RAB27B: variants seen among roughly 807,000 people sequenced by gnomAD.
RAB27B encodes RAB27B, member RAS oncogene family.
A neutral mutation model predicts 24.6 loss-of-function variants in RAB27B; 15 were observed. The ratio of observed to expected loss-of-function variants is 0.61; its 90% CI spans 0.41 to 0.94. The LOEUF (loss-of-function observed/expected upper bound fraction) is 0.94, where lower values mean the gene tolerates loss of function less well. Ranked by LOEUF, RAB27B falls within the 40% of genes least tolerant of loss-of-function variation. RAB27B has a pLI of 0.00. For missense variants in RAB27B, 261 were observed against 266.8 expected, an observed-to-expected ratio of 0.98 and a Z score of 0.15; for synonymous variants, 105 against 92.5, an observed-to-expected ratio of 1.14 and a Z score of -0.78.
At chr18:54,801,026 T>TC (rs1015258835) in intron 2 of RAB27B, among the ~76,000 whole-genome samples, 1 of 139,258 alleles carries the variant, frequency 7.2e-6, no homozygotes, top group South Asian at 2.5e-4. Context: ...TTTTTTTTTT[T>TC]TTTTTTAACA....
At chr18:54,833,881 C>A (rs947489718) in intron 1 of RAB27B, among the ~76,000 whole-genome samples, 2 of 152,118 alleles carry the variant, frequency 1.3e-5, no homozygotes, top group Non-Finnish European at 2.9e-5. Context: ...GAGAGAGGCA[C>A]AAAGTGAGTC....
intron 1 of RAB27B, among the ~76,000 whole-genome samples, chr18:54,854,292 C>T (rs1911697770): frequency 6.6e-6 from 1 of 152,190 alleles, no homozygotes; most frequent in African/African-American, 2.4e-5. Flanking sequence ...CATCCACATA[C>T]ACACTTTTTC....
At chr18:54,850,357 T>TATACATAC (rs1555663545) in intron 1 of RAB27B, among the ~76,000 whole-genome samples, 1 of 130,578 alleles carries the variant, frequency 7.7e-6, no homozygotes, top group African/African-American at 3.1e-5. Flanking sequence ...TATATATATA[T>TATACATAC]ATACATACAT....
intron 1 of RAB27B, among the ~76,000 whole-genome samples, chr18:54,858,471 A>G (rs1426517800): frequency 7.1e-6 from 1 of 140,632 alleles, no homozygotes; most frequent in African/African-American, 2.7e-5. Flanking sequence ...TGCAAGCTCC[A>G]CCTCCCGTGT....
At chr18:54,833,590 C>G (rs1910778843) in intron 1 of RAB27B, among the ~76,000 whole-genome samples, 1 of 151,924 alleles carries the variant, frequency 6.6e-6, no homozygotes, top group African/African-American at 2.4e-5. Flanking sequence ...TAGACAACAC[C>G]AAAAGAAAAT....
At chr18:54,835,335 A>G (rs551746323) in intron 1 of RAB27B, among the ~76,000 whole-genome samples, 4 of 152,074 alleles carry the variant, frequency 2.6e-5, no homozygotes, top group African/African-American at 9.7e-5. Flanking sequence ...TATAGGAGCA[A>G]TGCAACCTGT....
intron 1 of RAB27B, among the ~76,000 whole-genome samples, chr18:54,834,667 A>C (rs1735363774): frequency 1.3e-5 from 1 of 76,056 alleles, no homozygotes; most frequent in Admixed American, 2.0e-4. Flanking sequence ...ATCTGTGTGC[A>C]TAAGTGTATA....
intron 2 of RAB27B, among the ~76,000 whole-genome samples, chr18:54,746,216 C>T (rs972803146): frequency 3.3e-5 from 5 of 152,126 alleles, no homozygotes; most frequent in Non-Finnish European, 5.9e-5. Context: ...TTGAAGATTA[C>T]GCCAGTGTCA....
At chr18:54,727,534 G>A (rs182366473) in intron 2 of RAB27B, among the ~76,000 whole-genome samples, 20 of 152,214 alleles carry the variant, frequency 1.3e-4, no homozygotes, top group East Asian at 1.2e-3. Context: ...GGGGTGCCTC[G>A]GAGGCAGATA....
chr18:54,863,008 G>C (rs1253110365), intron 1 of RAB27B, among the ~76,000 whole-genome samples: 1 of 152,110 alleles, frequency 6.6e-6, no homozygotes, highest in Non-Finnish European at 1.5e-5. Flanking sequence ...ATCAGCTAGT[G>C]ATTTTTGCAA....
At chr18:54,875,339 AT>A (rs924229509) in intron 1 of RAB27B, among the ~76,000 whole-genome samples, 2 of 152,116 alleles carry the variant, frequency 1.3e-5, no homozygotes, top group South Asian at 2.1e-4. Context: ...CCAAAAACAA[AT>A]TTTTTTTTGG....
At chr18:54,841,176 A>AG (rs1911106758) in intron 1 of RAB27B, among the ~76,000 whole-genome samples, 2 of 18,150 alleles carry the variant, frequency 1.1e-4, no homozygotes, top group Admixed American at 1.0e-3. Flanking sequence ...GGGTTTGGTG[A>AG]GAGGGGCGGG....
intron 1 of RAB27B, among the ~76,000 whole-genome samples, chr18:54,860,840 G>A (rs1317697753): frequency 6.6e-6 from 1 of 152,122 alleles, no homozygotes; most frequent in Non-Finnish European, 1.5e-5. Context: ...CTAATTCCAT[G>A]CTCTGTAGAT....
At chr18:54,765,269 G>C (rs1908325651) in intron 2 of RAB27B, among the ~76,000 whole-genome samples, 1 of 152,038 alleles carries the variant, frequency 6.6e-6, no homozygotes, top group Admixed American at 6.6e-5. Context: ...TAGGATTGCA[G>C]GTGTGAGCCA....
rs576210337 is a variant in RAB27B, at chr18:54,736,481, A to AT, written c.-20+18340_-20+18341insT. On this transcript the variant is annotated intron_variant, in intron 2 of 4. Transcript: ENST00000586570. ...AATTTCTTCATTTAGTAAAAAAAAA[A>AT]GGCTATTAATAGCTATTAGGTGCCT... Among the ~76,000 whole-genome samples, 156 of 152,066 alleles carry AT rather than the reference A, an allele frequency of 1.0e-3. 4 individuals carry two copies. The South Asian group carries it at 0.028, about 27-fold the overall frequency.
intron 1 of RAB27B, among the ~76,000 whole-genome samples, chr18:54,830,652 T>C (rs1253475144): frequency 6.6e-6 from 1 of 152,188 alleles, no homozygotes; most frequent in Non-Finnish European, 1.5e-5. Flanking sequence ...TGGGCTTAAG[T>C]ATATACTATA....
intron 2 of RAB27B, among the ~76,000 whole-genome samples, chr18:54,798,520 G>A (rs887883404): frequency 8.5e-5 from 13 of 152,364 alleles, no homozygotes; most frequent in African/African-American, 2.9e-4. Context: ...TCACAGGAGA[G>A]TATTTGAGTC....
chr18:54,724,451 C>T (rs1030353799), intron 2 of RAB27B, among the ~76,000 whole-genome samples: 6 of 151,368 alleles, frequency 4.0e-5, no homozygotes, highest in Non-Finnish European at 8.9e-5. Context: ...TGGCTGGGTG[C>T]CGTGGCTCAT....
chr18:54,856,996 C>A (rs899488595), intron 1 of RAB27B, among the ~76,000 whole-genome samples: 1 of 152,148 alleles, frequency 6.6e-6, no homozygotes, highest in Admixed American at 6.5e-5. Context: ...CATGCATTTC[C>A]ATTTTCTTCC....
Sources: allele counts gnomAD v4.1 joint callset (sites outside exome capture counted in the v4.1 genomes callset), GRCh38; gene constraint gnomAD v4.1.1; transcripts MANE v1.5; gene names NCBI Gene and HGNC (gene_info 2026-07-23, HGNC 2026-07-21).